DOCK5: variants seen among roughly 807,000 people sequenced by gnomAD.
DOCK5 encodes the protein dedicator of cytokinesis 5, also known as dedicator of cytokinesis protein 5.
DOCK5 carries 142 observed loss-of-function variants against 251.8 expected under a neutral mutation model. The observed-to-expected ratio is 0.56, with a 90% CI of 0.49 to 0.65. The LOEUF (loss-of-function observed/expected upper bound fraction) is 0.65, where lower values mean the gene tolerates loss of function less well. Ranked by LOEUF, DOCK5 falls within the 30% of genes least tolerant of loss-of-function variation. The probability of loss-of-function intolerance (pLI) is 0.00; values close to 1 mark genes in which losing one functional copy is unlikely to be tolerated. For synonymous variants in DOCK5, 842 were observed against 835.5 expected (o/e 1.01, Z -0.13); for missense variants, 2,111 against 2,312.3 (o/e 0.91, Z 1.79).
At chr8:25,235,734 T>C (rs1191931307) in intron 1 of DOCK5, among the ~76,000 whole-genome samples, 1 of 152,090 alleles carries the variant, frequency 6.6e-6, no homozygotes, top group Non-Finnish European at 1.5e-5. Context: ...CAGTTCAAGA[T>C]ATTTATCTAT....
chr8:25,321,119 T>C, intron 16 of DOCK5, 67 bp downstream of exon 16: 2 of 1,349,764 alleles, frequency 1.5e-6, no homozygotes, highest in Non-Finnish European at 2.1e-6. Context: ...GACAGCCATC[T>C]TGTGAAGCTG....
intron 1 of DOCK5, among the ~76,000 whole-genome samples, chr8:25,234,677 C>T (rs1802750226): frequency 6.6e-6 from 1 of 152,086 alleles, no homozygotes; most frequent in African/African-American, 2.4e-5. Flanking sequence ...CTGGATAATA[C>T]CCTGGTTTCT....
intron 1 of DOCK5, among the ~76,000 whole-genome samples, chr8:25,206,726 A>G (rs907074903): frequency 6.6e-6 from 1 of 152,216 alleles, no homozygotes; most frequent in Non-Finnish European, 1.5e-5. Context: ...GGACAATGAC[A>G]TATGGTTTGA....
chr8:25,329,687 A>G (rs1805638735), intron 18 of DOCK5, among the ~76,000 whole-genome samples: 1 of 152,128 alleles, frequency 6.6e-6, no homozygotes, highest in South Asian at 2.1e-4. Context: ...AAGCTGCTCT[A>G]CCTGTATACC....
intron 14 of DOCK5, among the ~76,000 whole-genome samples, chr8:25,317,762 C>G (rs1048850151): frequency 6.6e-6 from 1 of 152,204 alleles, no homozygotes; most frequent in Admixed American, 6.5e-5. Flanking sequence ...AAGCGCCCAC[C>G]ACCACGCCCG....
rs1800456587 is a variant in DOCK5 at position 25,350,972 on chromosome 8, C to T, written c.2755-759C>T. Among the ~76,000 whole-genome samples, 4 of 152,160 alleles carry T rather than the reference C, an allele frequency of 2.6e-5. No individual in the cohort carries two copies. In the South Asian group the frequency reaches 8.3e-4, roughly 31 times the overall value. ...GAATTTCTTGTTTTTTTCCCTCCAA[C>T]ACAGAAGGTGGTAAGAGCTTTGTAT... is the stretch of plus-strand genomic sequence containing the variant. On this transcript the variant is annotated intron_variant, in intron 26 of 51. Transcript: ENST00000276440.
intron 17 of DOCK5, among the ~76,000 whole-genome samples, 194 bp from the exon 18 acceptor site, chr8:25,325,170 C>T (rs991978635): frequency 1.3e-5 from 2 of 152,158 alleles, no homozygotes; most frequent in African/African-American, 4.8e-5. Context: ...ATTCTGTTTC[C>T]ATTCAATCAT....
chr8:25,249,100 C>T (rs1395573061), intron 2 of DOCK5, among the ~76,000 whole-genome samples: 3 of 151,978 alleles, frequency 2.0e-5, no homozygotes, highest in Non-Finnish European at 4.4e-5. Flanking sequence ...TTGGACTCAA[C>T]GGATGCTCCT....
chr8:25,197,038 TA>T (rs5890208), intron 1 of DOCK5, among the ~76,000 whole-genome samples: 95,020 of 151,096 alleles, frequency 0.63, 32,254 homozygotes, highest in Non-Finnish European at 0.76. Context: ...GTCTATTATT[TA>T]AAAAAAAAAT....
chr8:25,380,862 C>CCACCATTCCGAATGCCCAGTGGAGGCAG (rs1563223438), intron 39 of DOCK5, among the ~76,000 whole-genome samples: 21 of 150,294 alleles, frequency 1.4e-4, no homozygotes, highest in African/African-American at 3.7e-4. Flanking sequence ...GTGGAGGCAG[C>CCACCATTCCGAATGCCCAGTGGAGGCAG]CACCATTCCG....
intron 1 of DOCK5, among the ~76,000 whole-genome samples, chr8:25,200,341 C>G (rs1800476159): frequency 6.6e-6 from 1 of 152,060 alleles, no homozygotes; most frequent in African/African-American, 2.4e-5. Flanking sequence ...TTATTTATAC[C>G]AAAAACATGG....
At chr8:25,294,274 G>C (rs540308266) in intron 6 of DOCK5, among the ~76,000 whole-genome samples, 1 of 152,166 alleles carries the variant, frequency 6.6e-6, no homozygotes, top group African/African-American at 2.4e-5. Flanking sequence ...CATGAGTCTG[G>C]GTGGCCTGTG....
At chr8:25,222,222 G>A (rs1160294013) in intron 1 of DOCK5, among the ~76,000 whole-genome samples, 1 of 152,144 alleles carries the variant, frequency 6.6e-6, no homozygotes, top group Non-Finnish European at 1.5e-5. Context: ...GCTTTCTAGG[G>A]TGGCTATGGA....
At chr8:25,362,295 TTGGTGAATTA>T (rs1419044217) in intron 28 of DOCK5, among the ~76,000 whole-genome samples, 1 of 152,200 alleles carries the variant, frequency 6.6e-6, no homozygotes, top group East Asian at 1.9e-4. Context: ...CCCACAATTG[TTGGTGAATTA>T]TGTTTAAGTG....
intron 25 of DOCK5, among the ~76,000 whole-genome samples, chr8:25,344,232 G>T (rs1051160493): frequency 1.3e-5 from 2 of 152,214 alleles, no homozygotes; most frequent in Non-Finnish European, 2.9e-5. Flanking sequence ...TGTAAGTAGA[G>T]TCTAGCAAAT....
chr8:25,314,299 T>G (rs1321980445), intron 13 of DOCK5, among the ~76,000 whole-genome samples: 4 of 148,516 alleles, frequency 2.7e-5, no homozygotes, highest in South Asian at 2.2e-4. Context: ...TTTTTTTTTT[T>G]GTAGAGATCA....
intron 31 of DOCK5, among the ~76,000 whole-genome samples, chr8:25,367,565 C>T (rs540946949): frequency 1.3e-5 from 2 of 152,252 alleles, no homozygotes; most frequent in African/African-American, 4.8e-5. Context: ...GTTGTGTTCC[C>T]CTTGTTGGGA....
At chr8:25,220,374 G>A (rs1022987425) in intron 1 of DOCK5, among the ~76,000 whole-genome samples, 8 of 151,980 alleles carry the variant, frequency 5.3e-5, no homozygotes, top group African/African-American at 1.7e-4. Context: ...TGCCTTTTTT[G>A]TTCTCTTTCT....
At chr8:25,194,886 C>A (rs1801681429) in intron 1 of DOCK5, among the ~76,000 whole-genome samples, 1 of 151,722 alleles carries the variant, frequency 6.6e-6, no homozygotes, top group South Asian at 2.1e-4. Context: ...CAATGCAAGC[C>A]TGCATTAGCG....
Sources: gnomAD v4.1 joint callset for allele counts (sites outside exome capture counted in the v4.1 genomes callset) on GRCh38, gnomAD v4.1.1 for gene constraint, MANE v1.5 for transcripts, NCBI Gene and HGNC (gene_info 2026-07-23, HGNC 2026-07-21) for gene names.